Variants in NTM observed in about 807,000 individuals in gnomAD.
NTM encodes neurotrimin.
A neutral mutation model predicts 42.1 loss-of-function variants in NTM; 13 were observed. The ratio of observed to expected loss-of-function variants is 0.31; its 90% CI spans 0.20 to 0.49. The LOEUF (loss-of-function observed/expected upper bound fraction) is 0.49, where lower values mean the gene tolerates loss of function less well. Among genes scored for constraint, NTM ranks in the 20% least tolerant of loss-of-function variants. NTM has a pLI of 0.99. For synonymous variants in NTM, 187 were observed against 179.2 expected (o/e 1.04, Z -0.35); for missense variants, 373 against 452.8 (o/e 0.82, Z 1.60).
chr11:132,047,143 C>T (rs1014819975), intron 2 of NTM, among the ~76,000 whole-genome samples: 7 of 152,232 alleles, frequency 4.6e-5, no homozygotes, highest in African/African-American at 1.7e-4. Context: ...TGCCTCCATC[C>T]AGTCTTCTGT....
intron 4 of NTM, among the ~76,000 whole-genome samples, chr11:132,267,451 G>A (rs912166418): frequency 4.0e-5 from 6 of 148,360 alleles, no homozygotes; most frequent in African/African-American, 7.5e-5. Context: ...AAATCCACAC[G>A]CAAGCCCTTA....
chr11:131,867,511 A>G (rs912548917), intron 1 of NTM, among the ~76,000 whole-genome samples: 1 of 150,908 alleles, frequency 6.6e-6, no homozygotes, highest in Non-Finnish European at 1.5e-5. Context: ...GAGCGTGTGT[A>G]CACGTGTGTA....
intron 1 of NTM, among the ~76,000 whole-genome samples, chr11:131,821,137 C>G (rs1367933216): frequency 1.3e-5 from 2 of 152,062 alleles, no homozygotes; most frequent in East Asian, 1.9e-4. Context: ...AAGGCAACAG[C>G]AATGAGGAAA....
At chr11:131,551,459 A>G (rs768163512) in intron 1 of NTM, among the ~76,000 whole-genome samples, 1 of 151,708 alleles carries the variant, frequency 6.6e-6, no homozygotes, top group Non-Finnish European at 1.5e-5. Flanking sequence ...TGAACCTGGT[A>G]TCTACTATGA....
At chr11:131,663,966 G>A (rs2134512543) in intron 1 of NTM, among the ~76,000 whole-genome samples, 1 of 152,302 alleles carries the variant, frequency 6.6e-6, no homozygotes, top group Non-Finnish European at 1.5e-5. Flanking sequence ...CAGTATTTGT[G>A]CACTTAACTG....
chr11:132,148,200 A>G (rs2071002629), intron 3 of NTM, among the ~76,000 whole-genome samples: 1 of 152,282 alleles, frequency 6.6e-6, no homozygotes, highest in African/African-American at 2.4e-5. Context: ...GCAATTTTAA[A>G]GAAAATAGAA....
chr11:132,094,253 A>G (rs747065341), intron 2 of NTM, among the ~76,000 whole-genome samples: 1 of 152,222 alleles, frequency 6.6e-6, no homozygotes, highest in African/African-American at 2.4e-5. Context: ...TTATTTAACA[A>G]TGTATTGATT....
chr11:132,142,273 A>T (rs1304878227), intron 2 of NTM, among the ~76,000 whole-genome samples: 4 of 152,170 alleles, frequency 2.6e-5, no homozygotes, highest in Non-Finnish European at 5.9e-5. Context: ...GCTCACCTGG[A>T]TGAGTCAGGG....
chr11:131,994,555 G>A (rs1167292319), intron 2 of NTM, among the ~76,000 whole-genome samples: 6 of 152,128 alleles, frequency 3.9e-5, no homozygotes, highest in Admixed American at 2.6e-4. Flanking sequence ...AATGTGAGCG[G>A]GTGTGTTGGT....
At chr11:132,260,954 G>A (rs1050324921) in intron 4 of NTM, among the ~76,000 whole-genome samples, 5 of 152,146 alleles carry the variant, frequency 3.3e-5, no homozygotes, top group South Asian at 2.1e-4. Flanking sequence ...AGACAGAGCC[G>A]TTGGCAGCTC....
At chr11:132,121,111 G>T (rs1196584847) in intron 2 of NTM, among the ~76,000 whole-genome samples, 3 of 152,192 alleles carry the variant, frequency 2.0e-5, no homozygotes, top group Admixed American at 6.5e-5. Context: ...GGGGCCAGCG[G>T]TTTCATTCCC....
At chr11:131,938,054 G>T (rs1043869861) in intron 2 of NTM, among the ~76,000 whole-genome samples, 1 of 152,096 alleles carries the variant, frequency 6.6e-6, no homozygotes, top group Non-Finnish European at 1.5e-5. Context: ...TCTCTAACAC[G>T]TATCGGGTGC....
At chr11:132,201,158 C>T (rs778749781) in intron 3 of NTM, among the ~76,000 whole-genome samples, 1 of 152,168 alleles carries the variant, frequency 6.6e-6, no homozygotes, top group Non-Finnish European at 1.5e-5. Flanking sequence ...AGTGTGTGTA[C>T]CTAGAGTGTC....
In NTM at chr11:132,073,189, G is replaced by A. The variant is rs963673620; in HGVS notation, c.168-73093G>A. Among the ~76,000 whole-genome samples the A allele has an allele frequency of 2.0e-5, 3 of 152,222 alleles. No individual in the cohort carries two copies. The East Asian group carries it at 5.8e-4, about 30-fold the overall frequency. ...ACTAAGTGTCCTCTGTATTAACAAC[G>A]AGGAGCCAAAATGGGGACTTTTCTA... On this transcript the variant is annotated intron_variant, in intron 2 of 8. Coordinates refer to ENST00000683400, the MANE Select transcript of NTM (RefSeq NM_001352005.2).
intron 1 of NTM, among the ~76,000 whole-genome samples, chr11:131,784,925 CA>C (rs1188974783): frequency 2.6e-5 from 4 of 152,026 alleles, no homozygotes; most frequent in Non-Finnish European, 4.4e-5. Flanking sequence ...TTGCTCATGT[CA>C]AAGACCCCAC....
intron 1 of NTM, among the ~76,000 whole-genome samples, chr11:131,419,163 CA>C (rs1259115580): frequency 6.6e-6 from 1 of 151,840 alleles, no homozygotes; most frequent in Non-Finnish European, 1.5e-5. Flanking sequence ...TAAAAACAAA[CA>C]AACAAACAAA....
chr11:131,419,041 A>G (rs530594271), intron 1 of NTM, among the ~76,000 whole-genome samples: 5 of 152,286 alleles, frequency 3.3e-5, no homozygotes, highest in Admixed American at 1.3e-4. Flanking sequence ...GTAAGCTTTC[A>G]TAGATCCACC....
intron 1 of NTM, among the ~76,000 whole-genome samples, chr11:131,371,357 A>G (rs193005483): frequency 1.9e-4 from 29 of 152,308 alleles, no homozygotes; most frequent in African/African-American, 7.0e-4. Flanking sequence ...GCAGGCTAGA[A>G]AGAATCAGGT....
chr11:132,118,443 A>T (rs1226841223), intron 2 of NTM, among the ~76,000 whole-genome samples: 2 of 152,228 alleles, frequency 1.3e-5, no homozygotes, highest in Non-Finnish European at 2.9e-5. Flanking sequence ...GCAGAGAATA[A>T]ATCTTGACTT....
Sources: allele counts gnomAD v4.1 joint callset (sites outside exome capture counted in the v4.1 genomes callset), GRCh38; gene constraint gnomAD v4.1.1; transcripts MANE v1.5; gene names NCBI Gene and HGNC (gene_info 2026-07-23, HGNC 2026-07-21).